The following UBA6 variants were observed in gnomAD, a reference collection of about 807,000 sequenced individuals.
UBA6 encodes ubiquitin-like modifier-activating enzyme 6.
In UBA6, 87 loss-of-function variants were observed where a neutral mutation model predicts 148.3. That is an observed-to-expected ratio of 0.59 (90% CI 0.49 to 0.70). The LOEUF (loss-of-function observed/expected upper bound fraction) is 0.70. UBA6 is among the 30% of genes least tolerant of loss of function. The pLI is 0.00. For synonymous variants in UBA6, 376 were observed against 401.0 expected, an observed-to-expected ratio of 0.94 and a Z score of 0.75; for missense variants, 1,186 against 1,241.2, an observed-to-expected ratio of 0.96 and a Z score of 0.67.
intron 14 of UBA6, among the ~76,000 whole-genome samples, chr4:67,647,357 G>T (rs1729443179): frequency 6.6e-6 from 1 of 151,980 alleles, no homozygotes; most frequent in Non-Finnish European, 1.5e-5. Context: ...TGTTGGCTAG[G>T]CTGGTCTTGA....
rs1730901041 is a variant in UBA6, at chr4:67,698,767, C to T, written c.72-2060G>A. On this transcript the variant is annotated intron_variant, in intron 1 of 32. Coordinates refer to ENST00000322244, the MANE Select transcript of UBA6 (RefSeq NM_018227.6). ...CTGAAGTCAGGAGTTCGAGACCAGC[C>T]TGACCAACGTGGTGAAACCCTGTCT... Among the ~76,000 whole-genome samples, 4 of 152,304 alleles carry T rather than the reference C, an allele frequency of 2.6e-5. No homozygotes were observed. The South Asian group carries it at 8.3e-4, about 32-fold the overall frequency.
At chr4:67,682,334 A>C (rs917418253) in intron 2 of UBA6, 121 bp from the exon 3 acceptor site, 8 of 682,338 alleles carry the variant, frequency 1.2e-5, no homozygotes, top group African/African-American at 1.8e-5. Context: ...GTTATGAATG[A>C]TTTGCACAGT....
chr4:67,674,593 C>G (rs1730232398), intron 6 of UBA6, among the ~76,000 whole-genome samples: 1 of 152,102 alleles, frequency 6.6e-6, no homozygotes, highest in Non-Finnish European at 1.5e-5. Context: ...GAGTAATAAA[C>G]TTCTTAGTCT....
intron 32 of UBA6, among the ~76,000 whole-genome samples, chr4:67,620,663 G>GA (rs1332986895): frequency 6.6e-6 from 1 of 152,192 alleles, no homozygotes; most frequent in Non-Finnish European, 1.5e-5. Flanking sequence ...AATAGACTGT[G>GA]AACTGCTTGA....
rs1168076270 is a variant in UBA6, at chr4:67,613,946, C to A, written c.*5051G>T. ...GAAAAATCTACATTCTATAAAGAAT[C>A]CCCTTTCCCCTTTACCCATTTTTTT... On this transcript the variant is annotated 3_prime_UTR_variant, in exon 33 of 33. Transcript: ENST00000322244. 1 of 152,082 alleles carries A rather than the reference C, an allele frequency of 6.6e-6. No homozygotes were observed. The highest frequency in any genetic ancestry group is 1.5e-5 in the Non-Finnish European group (1 of 68,020). 9.4% of individuals were successfully genotyped at this position (152,082 alleles called of 1,614,324 possible).
At chr4:67,659,799 A>T (rs780385713) in intron 13 of UBA6, among the ~76,000 whole-genome samples, 5 of 152,088 alleles carry the variant, frequency 3.3e-5, no homozygotes, top group African/African-American at 1.2e-4. Context: ...AGAAAGGAAG[A>T]TGTGGGAAAG....
chr4:67,664,075 C>T, intron 10 of UBA6, 128 bp from the exon 11 acceptor site: 1 of 618,724 alleles, frequency 1.6e-6, no homozygotes, highest in Non-Finnish European at 2.7e-6. Flanking sequence ...TAGGGTTGGG[C>T]TGGTATGTTT....
chr4:67,647,783 T>G (rs1241534803), intron 14 of UBA6, among the ~76,000 whole-genome samples: 1 of 150,700 alleles, frequency 6.6e-6, no homozygotes, highest in Non-Finnish European at 1.5e-5. Flanking sequence ...GTGTTTTTTT[T>G]TTTTTTTTGA....
intron 13 of UBA6, among the ~76,000 whole-genome samples, chr4:67,649,436 A>C (rs1163845332): frequency 6.6e-6 from 1 of 151,736 alleles, no homozygotes; most frequent in Non-Finnish European, 1.5e-5. Flanking sequence ...TTGTCTTTGG[A>C]TTCTATATGT....
chr4:67,686,952 TAAAAA>T (rs546442640), intron 2 of UBA6, among the ~76,000 whole-genome samples: 13 of 57,182 alleles, frequency 2.3e-4, no homozygotes, highest in African/African-American at 8.5e-4. Flanking sequence ...ATCCTGTCTC[TAAAAA>T]AAAAAAAAAA....
rs1404595245 is a variant in UBA6 at position 67,617,832 on chromosome 4, A to G, written c.*1165T>C. 6.6e-6 allele frequency: 1 copy of G among 152,064 alleles called. No homozygotes were observed. The highest frequency in any genetic ancestry group is 1.5e-5 in the Non-Finnish European group (1 of 67,940). 9.4% of individuals were successfully genotyped at this position (152,064 alleles called of 1,614,324 possible). On this transcript the variant is annotated 3_prime_UTR_variant, in exon 33 of 33. Transcript: ENST00000322244. ...AGAATGCATGACAGTCTTAGTAATAAAAGAATCATTTACTATTTTCACTGA... is the reference window on the plus strand; with the variant it reads ...AGAATGCATGACAGTCTTAGTAATAGAAGAATCATTTACTATTTTCACTGA...
intron 2 of UBA6, among the ~76,000 whole-genome samples, chr4:67,682,593 T>C (rs563265635): frequency 6.6e-6 from 1 of 152,180 alleles, no homozygotes; most frequent in Non-Finnish European, 1.5e-5. Flanking sequence ...ACTTTCACTA[T>C]CAACAGGATT....
At position 67,613,522 on chromosome 4, in the gene UBA6, C is replaced by T. The variant is rs1271949085; in HGVS notation, c.*5475G>A. The T allele has an allele frequency of 6.6e-6, 1 of 152,004 alleles. No homozygotes were observed. The highest frequency in any genetic ancestry group is 1.5e-5 in the Non-Finnish European group (1 of 67,998). The allele number at this position is 152,004 out of a possible 1,614,324, so 9.4% of individuals were successfully genotyped here. On this transcript the variant is annotated 3_prime_UTR_variant, in exon 33 of 33. Coordinates refer to ENST00000322244, the MANE Select transcript of UBA6 (RefSeq NM_018227.6). ...ATGCTTTCAATTAGAAATATGAGAA[C>T]TGAAAATACAAGGGGCTGAGAATAA...
chr4:67,682,336 T>TTAAACATTTC (rs1730463436), intron 2 of UBA6, 123 bp from the exon 3 acceptor site: 1 of 668,488 alleles, frequency 1.5e-6, no homozygotes, highest in African/African-American at 1.8e-5. Flanking sequence ...TATGAATGAT[T>TTAAACATTTC]TGCACAGTGT....
chr4:67,633,445 C>G lies in UBA6; in HGVS notation c.2042G>C (p.Gly681Ala), dbSNP rs752974736. ...AAGTAACTTTATAACTTGAAAACAG[C>G]CTTCTAAACTGTGTCCACTCTGTAT... ...QKIQSGHSLE[G>A]CFQVIKLLSR... Residue 681 changes from glycine to alanine, a missense_variant, in exon 23 of 33, where the codon GGC (glycine) becomes GCC (alanine). Transcript: ENST00000322244. 16 of 1,608,044 alleles carry G rather than the reference C, an allele frequency of 9.9e-6. No individual in the cohort carries two copies. The highest frequency in any genetic ancestry group is 1.4e-5 in the Non-Finnish European group (16 of 1,178,622).
Position 67,631,806 on chromosome 4 carries a change from T to C in UBA6, c.2195-35A>G, listed in dbSNP as rs555131500. ...AGATACAAATATCATTTTCAATGTA[T>C]GTAGCCAGTAATAAATGTCATTAAA... On this transcript the variant is annotated intron_variant, in intron 24 of 32. Transcript: ENST00000322244. 4.3e-6 allele frequency: 7 copies of C among 1,610,512 alleles called. No homozygotes were observed. The Admixed American group carries it at 8.4e-5, about 19-fold the overall frequency.
intron 26 of UBA6, among the ~76,000 whole-genome samples, chr4:67,629,461 T>C (rs1315234549): frequency 2.6e-5 from 4 of 152,012 alleles, no homozygotes; most frequent in Admixed American, 2.0e-4. Flanking sequence ...CAGTCAGTTT[T>C]AATTCCCTTA....
chr4:67,654,946 A>C (rs1286943300), intron 13 of UBA6, among the ~76,000 whole-genome samples: 1 of 152,116 alleles, frequency 6.6e-6, no homozygotes, highest in African/African-American at 2.4e-5. Context: ...GAGACAAAGA[A>C]GGCCATTACA....
chr4:67,680,825 A>G (rs1730417766), intron 4 of UBA6, among the ~76,000 whole-genome samples: 1 of 152,202 alleles, frequency 6.6e-6, no homozygotes, highest in Non-Finnish European at 1.5e-5. Context: ...CCACACTGTG[A>G]ACTGCCCTAT....
Sources: gnomAD v4.1 joint callset for allele counts (sites outside exome capture counted in the v4.1 genomes callset) on GRCh38, gnomAD v4.1.1 for gene constraint, MANE v1.5 for transcripts, NCBI Gene and HGNC (gene_info 2026-07-23, HGNC 2026-07-21) for gene names.